PTPRD: variants seen among roughly 807,000 people sequenced by gnomAD.
PTPRD encodes receptor-type tyrosine-protein phosphatase delta.
PTPRD carries 34 observed loss-of-function variants against 214.5 expected under a neutral mutation model. The observed-to-expected ratio is 0.16, with a 90% confidence interval of 0.12 to 0.21. The LOEUF is 0.21. Ranked by LOEUF, PTPRD falls within the 10% of genes least tolerant of loss-of-function variation. The pLI, the probability that PTPRD is intolerant of heterozygous loss-of-function variation, is 1.00. For synonymous variants in PTPRD, 1,128 were observed against 845.7 expected (o/e 1.33, Z -5.79); for missense variants, 2,545 against 2,398.7 (o/e 1.06, Z -1.27).
At chr9:8,404,004 A>G (rs992642140) in intron 36 of PTPRD, among the ~76,000 whole-genome samples, 1 of 152,234 alleles carries the variant, frequency 6.6e-6, no homozygotes, top group Non-Finnish European at 1.5e-5. Context: ...TTTAGGGTAA[A>G]GGCAAGAAGG....
chr9:9,777,036 T>C (rs2098803719), intron 5 of PTPRD, among the ~76,000 whole-genome samples: 1 of 152,174 alleles, frequency 6.6e-6, no homozygotes, highest in Non-Finnish European at 1.5e-5. Context: ...CACTGAAGAG[T>C]TGTTTTATAA....
chr9:8,813,913 C>T (rs1479346534), intron 11 of PTPRD, among the ~76,000 whole-genome samples: 1 of 152,160 alleles, frequency 6.6e-6, no homozygotes, highest in East Asian at 1.9e-4. Context: ...TTCCCCTCTC[C>T]GAGTCTGAGT....
rs1436439070 is a variant in PTPRD at position 10,060,861 on chromosome 9, C to CT, written c.-544-27072dup. ...CTTCCTTCCTTTCCTTTCTTTCTTC[C>CT]TTCCTTCTTTCCTTCCTTCCTTCCT... On this transcript the variant is annotated intron_variant, in intron 3 of 45. Coordinates refer to ENST00000381196, the MANE Select transcript of PTPRD (RefSeq NM_002839.4). Among the ~76,000 whole-genome samples the CT allele has an allele frequency of 8.4e-4, 85 of 101,690 alleles. 3 individuals carry two copies. The highest frequency in any genetic ancestry group is 5.3e-3 in the Middle Eastern group (1 of 190). The allele number at this position is 101,690 out of a possible 152,430, so 66.7% of individuals were successfully genotyped here.
At chr9:10,305,383 CAAAAAAAAAAAAA>C (rs532681794) in intron 3 of PTPRD, among the ~76,000 whole-genome samples, 2 of 75,872 alleles carry the variant, frequency 2.6e-5, no homozygotes, top group African/African-American at 8.3e-5. Flanking sequence ...AAAGCAATGG[CAAAAAAAAAAAAA>C]AAAAAAAGCC....
chr9:8,434,038 A>G (rs914349160), intron 35 of PTPRD, among the ~76,000 whole-genome samples: 2 of 152,034 alleles, frequency 1.3e-5, no homozygotes, highest in Non-Finnish European at 2.9e-5. Flanking sequence ...CTGGAGTGCA[A>G]TGGTGCGACC....
intron 4 of PTPRD, among the ~76,000 whole-genome samples, chr9:9,975,741 C>T (rs1051181196): frequency 7.9e-5 from 12 of 152,176 alleles, no homozygotes; most frequent in African/African-American, 2.9e-4. Context: ...CCCGTAGATA[C>T]ACAGGTTCTG....
chr9:10,284,171 A>G (rs1035019661), intron 3 of PTPRD, among the ~76,000 whole-genome samples: 2 of 152,148 alleles, frequency 1.3e-5, no homozygotes, highest in Non-Finnish European at 2.9e-5. Flanking sequence ...TTGCATGTAC[A>G]TGTGCACATA....
At chr9:8,355,610 C>T (rs2076783718) in intron 39 of PTPRD, among the ~76,000 whole-genome samples, 1 of 152,154 alleles carries the variant, frequency 6.6e-6, no homozygotes, top group African/African-American at 2.4e-5. Flanking sequence ...CACCAAAGAG[C>T]TGAAGGTTAA....
At position 10,281,728 on chromosome 9, in the gene PTPRD, A is replaced by G. The variant is rs1321158479; in HGVS notation, c.-545+59235T>C. Among the ~76,000 whole-genome samples the G allele has an allele frequency of 2.6e-5, 4 of 152,190 alleles. No individual in the cohort carries two copies. The East Asian group carries it at 7.7e-4, about 29-fold the overall frequency. ...TGTAATACTCTGAAGTAAAATGACT[A>G]TCATATGAAAACTCATCCTCATTAA... On this transcript the variant is annotated intron_variant, in intron 3 of 45. Transcript: ENST00000381196.
chr9:10,562,820 T>A (rs1360915722), intron 2 of PTPRD, among the ~76,000 whole-genome samples: 1 of 152,128 alleles, frequency 6.6e-6, no homozygotes, highest in Non-Finnish European at 1.5e-5. Flanking sequence ...TATAAGCACA[T>A]TGGAGACTTA....
intron 11 of PTPRD, among the ~76,000 whole-genome samples, chr9:8,805,285 G>C (rs373118244): frequency 1.3e-5 from 2 of 152,224 alleles, no homozygotes; most frequent in East Asian, 3.9e-4. Flanking sequence ...CACAAAGCAA[G>C]TTGGAGCTGC....
intron 11 of PTPRD, among the ~76,000 whole-genome samples, chr9:8,820,791 A>G (rs2097041467): frequency 6.6e-6 from 1 of 152,174 alleles, no homozygotes; most frequent in Admixed American, 6.6e-5. Flanking sequence ...AGACTCAAAG[A>G]GTAGAGTCAC....
chr9:8,422,722 G>A (rs1452394765), intron 35 of PTPRD, among the ~76,000 whole-genome samples: 1 of 152,116 alleles, frequency 6.6e-6, no homozygotes, highest in African/African-American at 2.4e-5. Flanking sequence ...CAATACAGAA[G>A]GAATAGAAAA....
intron 5 of PTPRD, among the ~76,000 whole-genome samples, chr9:9,798,894 T>C (rs1186466488): frequency 6.6e-6 from 1 of 152,180 alleles, no homozygotes; most frequent in East Asian, 1.9e-4. Context: ...TCTCTAATCC[T>C]GAGACATAAT....
At chr9:10,180,078 A>C (rs2099273291) in intron 3 of PTPRD, among the ~76,000 whole-genome samples, 1 of 152,106 alleles carries the variant, frequency 6.6e-6, no homozygotes, top group African/African-American at 2.4e-5. Flanking sequence ...TTAAAACAGA[A>C]TCACAGGTTA....
intron 8 of PTPRD, among the ~76,000 whole-genome samples, chr9:9,490,363 G>GT (rs1445868581): frequency 7.2e-5 from 11 of 152,050 alleles, no homozygotes; most frequent in African/African-American, 2.4e-4. Flanking sequence ...ATAAAAGCTA[G>GT]TATTATTGTA....
At chr9:10,283,804 C>T (rs1220591547) in intron 3 of PTPRD, among the ~76,000 whole-genome samples, 1 of 152,174 alleles carries the variant, frequency 6.6e-6, no homozygotes, top group Non-Finnish European at 1.5e-5. Flanking sequence ...TTATGCTTTG[C>T]AACACTACAG....
Position 9,998,217 on chromosome 9 carries a change from G to C in PTPRD, c.-472+35501C>G, listed in dbSNP as rs542386513. ...TCGACCCTGTCCAGCCTGTGGTGAA[G>C]ACCACTGGAGACAGAACTGCCCTCG... On this transcript the variant is annotated intron_variant, in intron 4 of 45. Coordinates refer to ENST00000381196, the MANE Select transcript of PTPRD (RefSeq NM_002839.4). 2.0e-5 allele frequency among the ~76,000 whole-genome samples: 3 copies of C among 150,302 alleles called. No homozygotes were observed. In the East Asian group the frequency reaches 5.9e-4, roughly 29 times the overall value.
chr9:10,548,924 G>A (rs568591952), intron 2 of PTPRD, among the ~76,000 whole-genome samples: 1 of 152,112 alleles, frequency 6.6e-6, no homozygotes, highest in Non-Finnish European at 1.5e-5. Flanking sequence ...AACCAACTGT[G>A]AACACATAAC....
Sources: allele counts gnomAD v4.1 joint callset (sites outside exome capture counted in the v4.1 genomes callset), GRCh38; gene constraint gnomAD v4.1.1; transcripts MANE v1.5; gene names NCBI Gene and HGNC (gene_info 2026-07-23, HGNC 2026-07-21).